The following ADAMTSL3 variants were observed in gnomAD, a reference collection of about 807,000 sequenced individuals.
ADAMTSL3 encodes ADAMTS like 3.
ADAMTSL3 carries 128 observed loss-of-function variants against 201.7 expected under a neutral mutation model. That is an observed-to-expected ratio of 0.63 (90% CI 0.55 to 0.73). ADAMTSL3 has a LOEUF of 0.73. Ranked by LOEUF, ADAMTSL3 falls within the 30% of genes least tolerant of loss-of-function variation. The probability of loss-of-function intolerance (pLI) is 0.00; values close to 1 mark genes in which losing one functional copy is unlikely to be tolerated. For synonymous variants in ADAMTSL3, 738 were observed against 748.4 expected (o/e 0.99, Z 0.23); for missense variants, 1,990 against 2,119.6 (o/e 0.94, Z 1.20).
chr15:83,738,207 A>G (rs2062397790), intron 3 of ADAMTSL3, among the ~76,000 whole-genome samples: 1 of 152,242 alleles, frequency 6.6e-6, no homozygotes, highest in Non-Finnish European at 1.5e-5. Context: ...AATTTAGAAA[A>G]AAATGGACCA....
At chr15:84,000,621 G>C (rs764904990) in intron 23 of ADAMTSL3, among the ~76,000 whole-genome samples, 1 of 152,180 alleles carries the variant, frequency 6.6e-6, no homozygotes, top group Non-Finnish European at 1.5e-5. Context: ...TGCAAAAATA[G>C]AAGTGTTTGT....
intron 7 of ADAMTSL3, among the ~76,000 whole-genome samples, chr15:83,839,977 G>A (rs1002730716): frequency 2.0e-5 from 3 of 152,026 alleles, no homozygotes; most frequent in African/African-American, 7.3e-5. Context: ...GTGGTTGGAG[G>A]GTTTATCTGA....
At chr15:83,655,338 G>A (rs532647216) in intron 1 of ADAMTSL3, among the ~76,000 whole-genome samples, 1 of 152,178 alleles carries the variant, frequency 6.6e-6, no homozygotes, top group Non-Finnish European at 1.5e-5. Context: ...CTCTCTGGGC[G>A]GCTTTGTTGT....
rs1050540157 is a variant in ADAMTSL3, at chr15:83,970,525, G to T, written c.2532G>T (p.Gln844His). Residue 844 changes from glutamine to histidine, a missense_variant, in exon 20 of 30, where the codon CAG becomes CAT. Coordinates refer to ENST00000286744, the MANE Select transcript of ADAMTSL3 (RefSeq NM_207517.3). The stretch of plus-strand genomic sequence containing the variant: ...GTGTTGGAATCCAGAGAAGAAAGCA[G>T]GTGTGTCAAAGGCTGGCAGCCAAAG... Reference protein sequence around the residue: ...SCGVGIQRRKQVCQRLAAKGR... With the variant: ...SCGVGIQRRKHVCQRLAAKGR... The T allele has an allele frequency of 6.2e-7, 1 of 1,614,208 alleles. No homozygotes were observed. The highest frequency in any genetic ancestry group is 8.5e-7 in the Non-Finnish European group (1 of 1,180,028).
intron 3 of ADAMTSL3, among the ~76,000 whole-genome samples, chr15:83,752,241 C>T (rs1185064693): frequency 6.6e-6 from 1 of 152,010 alleles, no homozygotes; most frequent in African/African-American, 2.4e-5. Flanking sequence ...ATTCCTTTAT[C>T]GTTTTCACAT....
At chr15:83,901,778 G>C (rs2141922053) in intron 15 of ADAMTSL3, among the ~76,000 whole-genome samples, 1 of 152,270 alleles carries the variant, frequency 6.6e-6, no homozygotes, top group Non-Finnish European at 1.5e-5. Context: ...TCACATCTCT[G>C]ATCACCTACA....
At chr15:84,029,278 C>G (rs990058599) in intron 27 of ADAMTSL3, among the ~76,000 whole-genome samples, 9 of 152,106 alleles carry the variant, frequency 5.9e-5, no homozygotes, top group African/African-American at 2.2e-4. Context: ...GACCAAAATG[C>G]TGATAGTGGT....
intron 23 of ADAMTSL3, among the ~76,000 whole-genome samples, chr15:83,999,193 A>G (rs2067744002): frequency 6.6e-6 from 1 of 152,240 alleles, no homozygotes; most frequent in Non-Finnish European, 1.5e-5. Flanking sequence ...AAAAATTCAT[A>G]AATATCATTT....
intron 2 of ADAMTSL3, among the ~76,000 whole-genome samples, chr15:83,657,022 A>G (rs1420492451): frequency 2.6e-5 from 4 of 152,190 alleles, no homozygotes; most frequent in Non-Finnish European, 5.9e-5. Flanking sequence ...CTATCCCATA[A>G]TCATATTAAT....
intron 5 of ADAMTSL3, among the ~76,000 whole-genome samples, chr15:83,814,867 G>A (rs2063749401): frequency 6.6e-6 from 1 of 152,042 alleles, no homozygotes; most frequent in East Asian, 1.9e-4. Flanking sequence ...CTCAGGTAAT[G>A]GCCTGTCTCT....
chr15:83,967,132 C>T (rs1319873060), intron 19 of ADAMTSL3, among the ~76,000 whole-genome samples: 1 of 152,152 alleles, frequency 6.6e-6, no homozygotes, highest in Non-Finnish European at 1.5e-5. Context: ...ACAAGGATGC[C>T]CTCTCTCACC....
At chr15:83,887,373 A>T (rs913117717) in intron 10 of ADAMTSL3, among the ~76,000 whole-genome samples, 22 of 152,240 alleles carry the variant, frequency 1.4e-4, no homozygotes, top group African/African-American at 5.3e-4. Flanking sequence ...GTAAGTGGAA[A>T]TCTATCCCTT....
At chr15:83,791,604 A>G (rs2063345556) in intron 4 of ADAMTSL3, among the ~76,000 whole-genome samples, 1 of 152,230 alleles carries the variant, frequency 6.6e-6, no homozygotes, top group Admixed American at 6.5e-5. Flanking sequence ...CACGCCTGTA[A>G]TCCCAACACT....
At chr15:83,798,209 A>G (rs2063458611) in intron 4 of ADAMTSL3, among the ~76,000 whole-genome samples, 1 of 152,212 alleles carries the variant, frequency 6.6e-6, no homozygotes, top group Non-Finnish European at 1.5e-5. Context: ...GGACTAATAT[A>G]GCATTCTTTA....
intron 4 of ADAMTSL3, among the ~76,000 whole-genome samples, chr15:83,801,677 T>TATATAAATATAA (rs2063526051): frequency 2.7e-5 from 2 of 72,884 alleles, no homozygotes; most frequent in Non-Finnish European, 2.9e-5. Context: ...TATATATATA[T>TATATAAATATAA]ATATATATAT....
intron 17 of ADAMTSL3, among the ~76,000 whole-genome samples, chr15:83,932,994 T>G (rs1281953498): frequency 6.6e-6 from 1 of 152,196 alleles, no homozygotes; most frequent in East Asian, 1.9e-4. Flanking sequence ...TCAAAAATAC[T>G]TGGAAGATTG....
intron 10 of ADAMTSL3, among the ~76,000 whole-genome samples, chr15:83,887,181 T>G (rs1225684758): frequency 6.6e-6 from 1 of 152,162 alleles, no homozygotes; most frequent in East Asian, 1.9e-4. Flanking sequence ...CACACTCCAC[T>G]TTGAGAACCA....
At chr15:83,843,191 A>C (rs1406179839) in intron 7 of ADAMTSL3, among the ~76,000 whole-genome samples, 1 of 152,158 alleles carries the variant, frequency 6.6e-6, no homozygotes, top group African/African-American at 2.4e-5. Flanking sequence ...TGGGGTTCTC[A>C]GACCCCTGAT....
chr15:84,007,855 G>A (rs190976460), intron 23 of ADAMTSL3, among the ~76,000 whole-genome samples: 2 of 152,268 alleles, frequency 1.3e-5, no homozygotes, highest in Admixed American at 6.5e-5. Flanking sequence ...AAGTATTCCA[G>A]GTGAGCAAAG....
Sources: gnomAD v4.1 joint callset for allele counts (sites outside exome capture counted in the v4.1 genomes callset) on GRCh38, gnomAD v4.1.1 for gene constraint, MANE v1.5 for transcripts, NCBI Gene and HGNC (gene_info 2026-07-23, HGNC 2026-07-21) for gene names.